The following ICE2 variants were observed in gnomAD, a reference collection of about 807,000 sequenced individuals.
The protein encoded by ICE2 is little elongation complex subunit 2.
A neutral mutation model predicts 105.4 loss-of-function variants in ICE2; 87 were observed. That is an observed-to-expected ratio of 0.83 (90% CI 0.69 to 0.99). The LOEUF (loss-of-function observed/expected upper bound fraction) is 0.99. ICE2 is among the 50% of genes least tolerant of loss of function. The pLI is 0.00. For synonymous variants in ICE2, 399 were observed against 392.0 expected, an observed-to-expected ratio of 1.02 and a Z score of -0.21; for missense variants, 1,323 against 1,146.7, an observed-to-expected ratio of 1.15 and a Z score of -2.22.
At chr15:60,477,192 G>T (rs1488536564) in intron 2 of ICE2, among the ~76,000 whole-genome samples, 1 of 152,152 alleles carries the variant, frequency 6.6e-6, no homozygotes, top group African/African-American at 2.4e-5. Context: ...TTACCTTGTC[G>T]TGGTATTGTA....
chr15:60,424,697 T>C (rs1404452641), intron 15 of ICE2, among the ~76,000 whole-genome samples: 1 of 152,138 alleles, frequency 6.6e-6, no homozygotes, highest in African/African-American at 2.4e-5. Context: ...TTAGTAGAGA[T>C]GGGGTTTCAC....
chr15:60,471,720 T>C (rs543754791), intron 3 of ICE2, among the ~76,000 whole-genome samples: 3 of 152,194 alleles, frequency 2.0e-5, no homozygotes, highest in East Asian at 1.9e-4. Context: ...TTTTGGTTGA[T>C]GGTTTGAAGT....
At chr15:60,456,262 G>A (rs1213920879) in intron 6 of ICE2, among the ~76,000 whole-genome samples, 2 of 150,694 alleles carry the variant, frequency 1.3e-5, no homozygotes, top group African/African-American at 4.9e-5. Flanking sequence ...ATATACATGA[G>A]CCAGGTGCAG....
intron 15 of ICE2, among the ~76,000 whole-genome samples, chr15:60,427,335 A>C (rs1349033183): frequency 6.6e-6 from 1 of 152,228 alleles, no homozygotes; most frequent in African/African-American, 2.4e-5. Flanking sequence ...ATTCTGACTC[A>C]AAGACTTTTG....
Position 60,468,114 on chromosome 15 carries a change from G to A in ICE2, c.355C>T (p.Pro119Ser), listed in dbSNP as rs565443990. 5.0e-6 allele frequency: 8 copies of A among 1,613,806 alleles called. No individual in the cohort carries two copies. The highest frequency in any genetic ancestry group is 4.4e-5 in the South Asian group (4 of 91,002). The change falls in exon 4 of 16, where the codon CCT becomes TCT. Residue 119 changes from proline to serine, a missense_variant. Coordinates refer to ENST00000261520, the MANE Select transcript of ICE2 (RefSeq NM_024611.6). Reference sequence around the variant, plus strand: ...ATTCCAACAGCTTTGGAATTTGCAGGAATCTTTGCGTATTTAACCAACAAG... The same window carrying A: ...ATTCCAACAGCTTTGGAATTTGCAGAAATCTTTGCGTATTTAACCAACAAG... ...VDLLVKYAKI[P>S]ANSKAVGINK...
In ICE2 at chr15:60,423,569, A is replaced by T; in HGVS notation, c.*65T>A. ...TCTTGCCTACTGATTATTTTCCCTC[A>T]AACTTATCTAAATTAAACACTGTTA... On this transcript the variant is annotated 3_prime_UTR_variant, in exon 16 of 16. Transcript: ENST00000261520. The T allele has an allele frequency of 6.9e-7, 1 of 1,455,854 alleles. No homozygotes were observed. Among genetic ancestry groups the T allele is most frequent in the East Asian group, 2.6e-5 (1 of 38,490 alleles). The allele number at this position is 1,455,854 out of a possible 1,614,324, so 90.2% of individuals were successfully genotyped here.
intron 9 of ICE2, chr15:60,451,323 C>A: frequency 1.1e-6 from 1 of 880,298 alleles, no homozygotes; most frequent in Non-Finnish European, 1.4e-6. Flanking sequence ...AAGGGCATTT[C>A]AAAAAATGAA....
intron 5 of ICE2, among the ~76,000 whole-genome samples, chr15:60,459,126 C>T (rs531533250): frequency 6.6e-6 from 1 of 152,166 alleles, no homozygotes; most frequent in East Asian, 1.9e-4. Context: ...GTATACTTTA[C>T]CAAAATGAAG....
At chr15:60,436,410 A>G (rs2063588140) in intron 12 of ICE2, among the ~76,000 whole-genome samples, 183 bp from the exon 13 acceptor site, 2 of 152,160 alleles carry the variant, frequency 1.3e-5, no homozygotes, top group African/African-American at 4.8e-5. Context: ...AAAATAACAT[A>G]ATTCAGATTA....
At position 60,455,074 on chromosome 15, in the gene ICE2, A is replaced by ATGG; in HGVS notation, c.871_872insCCA (p.Leu291delinsSerIle). The stretch of plus-strand genomic sequence containing the variant: ...CTTGTACGTTGGTCCATGATTATTT[A>ATGG]ATAAGGTAAATAATGACTGACTAGT... On this transcript the variant is annotated protein_altering_variant, in exon 8 of 16. Transcript: ENST00000261520. 1 of 1,601,662 alleles carries ATGG rather than the reference A, an allele frequency of 6.2e-7. No homozygotes were observed. Among genetic ancestry groups the ATGG allele is most frequent in the South Asian group, 1.1e-5 (1 of 88,006 alleles).
At chr15:60,462,375 T>C (rs941606520) in intron 5 of ICE2, among the ~76,000 whole-genome samples, 3 of 152,170 alleles carry the variant, frequency 2.0e-5, no homozygotes, top group Admixed American at 1.3e-4. Context: ...TTACAATGTA[T>C]TGTGTTCTTG....
At chr15:60,431,802 C>A (rs189560406) in intron 14 of ICE2, 132 bp downstream of exon 14, 1 of 518,168 alleles carries the variant, frequency 1.9e-6, no homozygotes, top group Non-Finnish European at 3.5e-6. Context: ...TAAATGTTTA[C>A]ATTTGACATA....
intron 5 of ICE2, among the ~76,000 whole-genome samples, chr15:60,457,574 A>G (rs963897696): frequency 7.9e-5 from 12 of 152,168 alleles, no homozygotes; most frequent in African/African-American, 2.7e-4. Context: ...TATCCTATAT[A>G]TCTACATCCC....
intron 3 of ICE2, among the ~76,000 whole-genome samples, chr15:60,469,105 T>C (rs1372508291): frequency 6.6e-6 from 1 of 152,176 alleles, no homozygotes; most frequent in Non-Finnish European, 1.5e-5. Flanking sequence ...TATCATGGAA[T>C]ACTATGCAGC....
chr15:60,462,056 T>G (rs1325715365), intron 5 of ICE2, among the ~76,000 whole-genome samples: 3 of 152,138 alleles, frequency 2.0e-5, no homozygotes, highest in South Asian at 2.1e-4. Flanking sequence ...CATTGGAGAA[T>G]AAGAAGGAAC....
Position 60,455,155 on chromosome 15 carries a change from C to T in ICE2, c.791G>A (p.Ser264Asn). The change falls in exon 8 of 16, where the codon AGT (serine) becomes AAT (asparagine). Residue 264 changes from serine to asparagine, a missense_variant. Physicochemically the swap from Ser to Asn is conservative, Grantham distance 46. Transcript: ENST00000261520. Reference sequence around the variant, plus strand: ...AAGCTTCTCTGCATTTGGATCTTTACTAATATCCTGAAAAACAACAAGTAA... The same window carrying T: ...AAGCTTCTCTGCATTTGGATCTTTATTAATATCCTGAAAAACAACAAGTAA... Reference protein sequence around the residue: ...QTAEAMHYDISKDPNAEKLVS... With the variant: ...QTAEAMHYDINKDPNAEKLVS... 1 of 1,568,348 alleles carries T rather than the reference C, an allele frequency of 6.4e-7. No homozygotes were observed. Among genetic ancestry groups the T allele is most frequent in the East Asian group, 2.2e-5 (1 of 44,694 alleles).
At chr15:60,462,538 T>C (rs1189764619) in intron 5 of ICE2, among the ~76,000 whole-genome samples, 1 of 152,116 alleles carries the variant, frequency 6.6e-6, no homozygotes, top group Non-Finnish European at 1.5e-5. Flanking sequence ...CAATTTTAAC[T>C]TGTCAATAGA....
intron 12 of ICE2, among the ~76,000 whole-genome samples, chr15:60,437,556 C>A (rs899080752): frequency 5.9e-5 from 9 of 152,126 alleles, no homozygotes; most frequent in Non-Finnish European, 1.2e-4. Context: ...TGGTCTCGAA[C>A]TCCTGACGTC....
intron 12 of ICE2, chr15:60,440,324 T>A (rs2063692000): frequency 1.3e-5 from 2 of 152,234 alleles, no homozygotes; most frequent in African/African-American, 4.8e-5. Flanking sequence ...TGCCTATATA[T>A]CAACTATATA....
Sources: allele counts gnomAD v4.1 joint callset (sites outside exome capture counted in the v4.1 genomes callset), GRCh38; gene constraint gnomAD v4.1.1; transcripts MANE v1.5; gene names NCBI Gene and HGNC (gene_info 2026-07-23, HGNC 2026-07-21).